Variants in NELL1 observed in about 807,000 individuals in gnomAD.
NELL1 encodes the protein neural EGFL like 1, also known as protein kinase C-binding protein NELL1.
Under a neutral mutation model 107.4 loss-of-function variants are expected in NELL1, and 76 were observed. The ratio of observed to expected loss-of-function variants is 0.71; its 90% CI spans 0.59 to 0.86. The LOEUF (loss-of-function observed/expected upper bound fraction) is 0.86, where lower values mean the gene tolerates loss of function less well. NELL1 is among the 40% of genes least tolerant of loss of function. The pLI, the probability that NELL1 is intolerant of heterozygous loss-of-function variation, is 0.00. For synonymous variants in NELL1, 353 were observed against 341.2 expected (o/e 1.03, Z -0.38); for missense variants, 1,024 against 1,005.5 (o/e 1.02, Z -0.25).
At chr11:21,042,063 C>T (rs1853247997) in intron 12 of NELL1, among the ~76,000 whole-genome samples, 1 of 152,228 alleles carries the variant, frequency 6.6e-6, no homozygotes, top group Non-Finnish European at 1.5e-5. Context: ...ATCTTGCCTT[C>T]ATTTAGCTTG....
At chr11:20,948,528 A>G (rs1016363544) in intron 11 of NELL1, among the ~76,000 whole-genome samples, 3 of 152,044 alleles carry the variant, frequency 2.0e-5, no homozygotes, top group Non-Finnish European at 1.5e-5. Context: ...GAAAAAGACA[A>G]TAGTTTATTG....
At chr11:20,965,065 G>A (rs1454825685) in intron 12 of NELL1, among the ~76,000 whole-genome samples, 1 of 152,180 alleles carries the variant, frequency 6.6e-6, no homozygotes, top group African/African-American at 2.4e-5. Context: ...TGTGGGTTCA[G>A]AAGGATACCA....
chr11:21,482,458 G>T (rs1854517196), intron 15 of NELL1, among the ~76,000 whole-genome samples: 1 of 152,120 alleles, frequency 6.6e-6, no homozygotes, highest in Non-Finnish European at 1.5e-5. Flanking sequence ...TTGGATGCTG[G>T]TCACCCAGAA....
chr11:21,376,159 T>A (rs1458050613), intron 15 of NELL1, among the ~76,000 whole-genome samples: 4 of 149,274 alleles, frequency 2.7e-5, no homozygotes, highest in Admixed American at 2.7e-4. Flanking sequence ...TAGATTTTTT[T>A]ATAGGATTCT....
chr11:21,485,445 T>G (rs1027912527), intron 15 of NELL1, among the ~76,000 whole-genome samples: 1 of 149,986 alleles, frequency 6.7e-6, no homozygotes, highest in Non-Finnish European at 1.5e-5. Flanking sequence ...CCAGTCCAAG[T>G]TCACAGCCCT....
intron 15 of NELL1, chr11:21,504,031 TC>T (rs1855218109): frequency 6.6e-6 from 1 of 152,184 alleles, no homozygotes; most frequent in Non-Finnish European, 1.5e-5. Context: ...ATTTTTCTCT[TC>T]CCCAAACCAC....
chr11:21,562,983 G>A (rs976641643), intron 17 of NELL1, among the ~76,000 whole-genome samples: 3 of 152,022 alleles, frequency 2.0e-5, no homozygotes, highest in African/African-American at 7.2e-5. Flanking sequence ...AAATGGATTT[G>A]GGCTTTTGTT....
intron 16 of NELL1, among the ~76,000 whole-genome samples, chr11:21,537,028 G>A (rs1482184464): frequency 5.6e-5 from 6 of 107,822 alleles, no homozygotes; most frequent in African/African-American, 1.8e-4. Flanking sequence ...GGACTCCTTG[G>A]AGTTGGAGTC....
chr11:21,287,980 A>C (rs1849162131), intron 14 of NELL1, among the ~76,000 whole-genome samples: 1 of 151,812 alleles, frequency 6.6e-6, no homozygotes, highest in South Asian at 2.1e-4. Context: ...TAAAGAAAAG[A>C]AGAGAATAGA....
intron 5 of NELL1, among the ~76,000 whole-genome samples, chr11:20,907,254 C>CAAAA (rs1850021708): frequency 9.0e-6 from 1 of 111,614 alleles, no homozygotes; most frequent in Non-Finnish European, 2.1e-5. Flanking sequence ...AAAAAAATTT[C>CAAAA]TTCATCAAAA....
At chr11:20,729,303 T>A (rs1002746951) in intron 2 of NELL1, among the ~76,000 whole-genome samples, 1 of 152,208 alleles carries the variant, frequency 6.6e-6, no homozygotes, top group South Asian at 2.1e-4. Context: ...CTTATTTTTT[T>A]CTCTTGTCTG....
rs547024131 is a variant in NELL1, at chr11:21,564,166, C to T, written c.1980+3784C>T. On this transcript the variant is annotated intron_variant, in intron 17 of 19. Coordinates refer to ENST00000357134, the MANE Select transcript of NELL1 (RefSeq NM_006157.5). ...CAGGGCCCAGTCAAGGTCTGATTGA[C>T]AGCATGATGGATGACCTGAGCAGAT... Among the ~76,000 whole-genome samples, 9 of 151,980 alleles carry T rather than the reference C, an allele frequency of 5.9e-5. No homozygotes were observed. In the East Asian group the frequency reaches 1.8e-3, roughly 30 times the overall value.
At chr11:20,973,182 C>T (rs1851536020) in intron 12 of NELL1, among the ~76,000 whole-genome samples, 1 of 145,764 alleles carries the variant, frequency 6.9e-6, no homozygotes, top group Admixed American at 7.0e-5. Flanking sequence ...AATCTCGGCT[C>T]ACTGCAACCT....
At chr11:20,977,594 T>C (rs552008096) in intron 12 of NELL1, among the ~76,000 whole-genome samples, 10 of 152,286 alleles carry the variant, frequency 6.6e-5, no homozygotes, top group African/African-American at 2.2e-4. Context: ...AGATTAGGAC[T>C]TTTTTCATGC....
rs545926960 is a variant in NELL1, at chr11:21,376,449, C to T, written c.1645+5501C>T. Reference sequence around the variant, plus strand: ...TACCATGCTGTTTTGGTTATTGTAGCCATATAATATAGTTTGTTGTCAGGT... The same window carrying T: ...TACCATGCTGTTTTGGTTATTGTAGTCATATAATATAGTTTGTTGTCAGGT... On this transcript the variant is annotated intron_variant, in intron 15 of 19. Transcript: ENST00000357134. 7.7e-4 allele frequency among the ~76,000 whole-genome samples: 117 copies of T among 152,028 alleles called. 2 individuals carry two copies. The highest frequency in any genetic ancestry group is 7.7e-3 in the Admixed American group (117 of 15,218).
chr11:21,457,869 T>A (rs1853787568), intron 15 of NELL1, among the ~76,000 whole-genome samples: 1 of 152,092 alleles, frequency 6.6e-6, no homozygotes, highest in Non-Finnish European at 1.5e-5. Flanking sequence ...AAGTGAGAAT[T>A]TCTAGAAATA....
chr11:21,117,843 A>T (rs1309073463), intron 13 of NELL1, among the ~76,000 whole-genome samples: 1 of 151,962 alleles, frequency 6.6e-6, no homozygotes, highest in East Asian at 1.9e-4. Context: ...CCAGGAAGTG[A>T]CACAAATCAC....
intron 14 of NELL1, among the ~76,000 whole-genome samples, chr11:21,316,776 C>G (rs972934100): frequency 1.3e-5 from 2 of 152,094 alleles, no homozygotes; most frequent in African/African-American, 4.8e-5. Context: ...GCAGCTGCTC[C>G]TCACTGACAG....
At chr11:21,274,421 G>A (rs942700268) in intron 14 of NELL1, among the ~76,000 whole-genome samples, 2 of 152,172 alleles carry the variant, frequency 1.3e-5, no homozygotes, top group African/African-American at 4.8e-5. Flanking sequence ...GACCTACAAA[G>A]AGACTTAGAC....
Sources: allele counts gnomAD v4.1 joint callset (sites outside exome capture counted in the v4.1 genomes callset), GRCh38; gene constraint gnomAD v4.1.1; transcripts MANE v1.5; gene names NCBI Gene and HGNC (gene_info 2026-07-23, HGNC 2026-07-21).